The following RRAS variants were observed in gnomAD, a reference collection of about 807,000 sequenced individuals.
RRAS encodes RAS related, also known as ras-related protein R-Ras.
A neutral mutation model predicts 23.3 loss-of-function variants in RRAS; 18 were observed. The observed-to-expected ratio is 0.77, with a 90% CI of 0.53 to 1.15. The LOEUF is 1.15. Among genes scored for constraint, RRAS ranks in the 50% most tolerant of loss-of-function variants. The pLI, the probability that RRAS is intolerant of heterozygous loss-of-function variation, is 0.00. For missense variants in RRAS, 291 were observed against 317.1 expected (o/e 0.92, Z 0.62); for synonymous variants, 133 against 138.3 (o/e 0.96, Z 0.27).
At chr19:49,639,908 G>T in intron 1 of RRAS, 38 bp downstream of exon 1, 1 of 1,541,798 alleles carries the variant, frequency 6.5e-7, no homozygotes, top group South Asian at 1.2e-5. Context: ...CTCAGTTCTG[G>T]GTCCCGGGGG....
chr19:49,637,126 T>A lies in RRAS; in HGVS notation c.158A>T (p.Tyr53Phe), dbSNP rs908791453. ...AGTGGGGTCGTAGTCAGACACGAAGTAGGACTGGCGGGGTGGGGAGAGGAT... is the reference window on the plus strand; with the variant it reads ...AGTGGGGTCGTAGTCAGACACGAAGAAGGACTGGCGGGGTGGGGAGAGGAT... ...SALTIQFIQSYFVSDYDPTIE... is the reference protein window; with the variant it reads ...SALTIQFIQSFFVSDYDPTIE... Residue 53 changes from tyrosine to phenylalanine, a missense_variant, in exon 2 of 6, where the codon TAC (tyrosine) becomes TTC (phenylalanine). Coordinates refer to ENST00000246792, the MANE Select transcript of RRAS (RefSeq NM_006270.5). The A allele has an allele frequency of 1.2e-6, 2 of 1,611,690 alleles. No homozygotes were observed.
rs2080996919 is a variant in RRAS, at chr19:49,636,564, T to C, written c.453+55A>G. The stretch of plus-strand genomic sequence containing the variant: ...GGATGCTGATGGGGGACAGGTGTGC[T>C]GGAAGGAGCCTCCCAGACTGAGATG... On this transcript the variant is annotated intron_variant, in intron 4 of 5. Transcript: ENST00000246792. This position sits in a 1 kb window ranked among gnomAD's most constrained non-coding sequence, Gnocchi z 4.5. 6 of 1,266,836 alleles carry C rather than the reference T, an allele frequency of 4.7e-6. No individual in the cohort carries two copies. The highest frequency in any genetic ancestry group is 3.6e-5 in the South Asian group (3 of 84,056). The allele number at this position is 1,266,836 out of a possible 1,614,324, so 78.5% of individuals were successfully genotyped here. A position where few individuals can be genotyped will look rare whatever the true frequency, so the allele number is the denominator to read the frequency against.
At chr19:49,637,809 T>C (rs1016034510) in intron 1 of RRAS, among the ~76,000 whole-genome samples, 1 of 130,812 alleles carries the variant, frequency 7.6e-6, no homozygotes, top group African/African-American at 2.9e-5. Flanking sequence ...TCTCTCTGAG[T>C]CACTCCTGGT....
intron 1 of RRAS, among the ~76,000 whole-genome samples, chr19:49,639,158 G>A (rs1415962786): frequency 6.6e-6 from 1 of 152,076 alleles, no homozygotes; most frequent in Admixed American, 6.5e-5. Flanking sequence ...GGCCGGGCAC[G>A]GTGGCTCATG....
At chr19:49,637,224 C>G (rs2081001174) in intron 1 of RRAS, 94 bp from the exon 2 acceptor site, 2 of 886,414 alleles carry the variant, frequency 2.3e-6, no homozygotes, top group East Asian at 2.7e-5. Flanking sequence ...CTGTCCCTCT[C>G]TCTCTAAATG....
At position 49,637,301 on chromosome 19, in the gene RRAS, C is replaced by CTTTTTTTTTTTT. The variant is rs11400258; in HGVS notation, c.154-183_154-172dup. 1.9e-5 allele frequency among the ~76,000 whole-genome samples: 2 copies of CTTTTTTTTTTTT among 104,114 alleles called. 1 individual carries two copies. The highest frequency in any genetic ancestry group is 7.4e-5 in the African/African-American group (2 of 27,008). The allele number at this position is 104,114 out of a possible 152,430, so 68.3% of individuals were successfully genotyped here. A position where few individuals can be genotyped will look rare whatever the true frequency, so the allele number is the denominator to read the frequency against. On this transcript the variant is annotated intron_variant, in intron 1 of 5. Coordinates refer to ENST00000246792, the MANE Select transcript of RRAS (RefSeq NM_006270.5). ...CTCTGTCCCGTCTGTCTCTCTGAGT[C>CTTTTTTTTTTTT]TTTTTTTTTTTTTTTTTTTTTTGAG...
intron 1 of RRAS, among the ~76,000 whole-genome samples, chr19:49,638,531 T>C (rs1260537560): frequency 1.3e-5 from 2 of 152,072 alleles, no homozygotes; most frequent in East Asian, 3.9e-4. Flanking sequence ...GTCTGAAGGC[T>C]GCATCTGTCG....
Position 49,635,863 on chromosome 19 carries a change from G to GTT in RRAS, c.454-12_454-11insAA. 9.0e-7 allele frequency: 1 copy of GTT among 1,110,890 alleles called. No homozygotes were observed. Among genetic ancestry groups the GTT allele is most frequent in the Non-Finnish European group, 1.3e-6 (1 of 750,538 alleles). 68.8% of individuals were successfully genotyped at this position (1,110,890 alleles called of 1,614,324 possible). Reference sequence around the variant, plus strand: ...TTCTGATCGGGGGACCTGGGGGTAGGGGGGACACGGGGGAGTCAGGTCCCT... The same window carrying GTT: ...TTCTGATCGGGGGACCTGGGGGTAGGTTGGGGACACGGGGGAGTCAGGTCCCT... On this transcript the variant is annotated splice_polypyrimidine_tract_variant and intron_variant, in intron 4 of 5. Transcript: ENST00000246792.
Position 49,635,539 on chromosome 19 carries a change from C to T in RRAS, c.*37G>A, listed in dbSNP as rs762510605. On this transcript the variant is annotated 3_prime_UTR_variant, in exon 6 of 6. Transcript: ENST00000246792. ...CAGCAAGGTGCGAAGGCAGCTAGTC[C>T]CGAGAGCTTGTGGTGGTTGCTTCTC... 1 of 1,335,314 alleles carries T rather than the reference C, an allele frequency of 7.5e-7. No homozygotes were observed. The highest frequency in any genetic ancestry group is 9.9e-7 in the Non-Finnish European group (1 of 1,008,062). The allele number at this position is 1,335,314 out of a possible 1,614,324, so 82.7% of individuals were successfully genotyped here. A position where few individuals can be genotyped will look rare whatever the true frequency, so the allele number is the denominator to read the frequency against.
At chr19:49,637,376 G>A (rs1465387049) in intron 1 of RRAS, among the ~76,000 whole-genome samples, 1 of 138,806 alleles carries the variant, frequency 7.2e-6, no homozygotes, top group Non-Finnish European at 1.5e-5. Flanking sequence ...GCGAGATCTC[G>A]GCTCACTGCA....
chr19:49,637,051 C>T lies in RRAS; in HGVS notation c.233G>A (p.Arg78Gln), dbSNP rs1162722748. 13 of 1,613,536 alleles carry T rather than the reference C, an allele frequency of 8.1e-6. No homozygotes were observed. The highest frequency in any genetic ancestry group is 1.1e-5 in the South Asian group (1 of 91,052). Residue 78 changes from arginine to glutamine, a missense_variant, in exon 2 of 6, where the codon CGG becomes CAG. Arg to Gln is a conservative substitution (Grantham distance 43). Coordinates refer to ENST00000246792, the MANE Select transcript of RRAS (RefSeq NM_006270.5). ...KICSVDGIPA[R>Q]LDILDTAGQE... is the part of the protein sequence containing the mutation. ...ATCCTTGCCGCCCTCACTGTCCAGC[C>T]GGGCTGGGATGCCATCCACACTGCA... is the stretch of plus-strand genomic sequence containing the variant.
rs745911237 is a variant in RRAS at position 49,636,861 on chromosome 19, C to T, written c.307G>A (p.Gly103Ser). Residue 103 changes from glycine (G) to serine (S), a missense_variant, in exon 3 of 6, where the codon GGC becomes AGC. Physicochemically the swap from Gly to Ser is moderately conservative, Grantham distance 56. Transcript: ENST00000246792. The surrounding 1 kb of genome is among the most constrained non-coding windows in gnomAD (Gnocchi z 4.5). Reference sequence around the variant, plus strand: ...TTAATGGCGAACACCAGCAGGAAGCCGTGGCCAGCACGCATGTACTGCTCT... The same window carrying T: ...TTAATGGCGAACACCAGCAGGAAGCTGTGGCCAGCACGCATGTACTGCTCT... Reference protein sequence around the residue: ...MREQYMRAGHGFLLVFAINDR... With the variant: ...MREQYMRAGHSFLLVFAINDR... The T allele has an allele frequency of 1.1e-5, 17 of 1,613,308 alleles. No homozygotes were observed. The highest frequency in any genetic ancestry group is 1.4e-5 in the Non-Finnish European group (16 of 1,180,026).
At chr19:49,635,703 A>T in intron 5 of RRAS, 31 bp downstream of exon 5, 1 of 1,542,358 alleles carries the variant, frequency 6.5e-7, no homozygotes, top group Non-Finnish European at 8.8e-7. Context: ...AGGGCTGGGG[A>T]CAAGGACGAC....
chr19:49,638,609 T>C (rs1384027096), intron 1 of RRAS, among the ~76,000 whole-genome samples: 2 of 152,006 alleles, frequency 1.3e-5, no homozygotes, highest in Non-Finnish European at 2.9e-5. Flanking sequence ...CTGGGAGGGA[T>C]TGTGGCTCTG....
rs1483065098 is a variant in RRAS at position 49,636,027 on chromosome 19, A to G, written c.454-175T>C. ...ATGCCGCAGGGGCTTGGTGTCTTCT[A>G]AGTAAGGGATGGGGGCAGGCTTCGT... On this transcript the variant is annotated intron_variant, in intron 4 of 5. Coordinates refer to ENST00000246792, the MANE Select transcript of RRAS (RefSeq NM_006270.5). This position sits in a 1 kb window ranked among gnomAD's most constrained non-coding sequence, Gnocchi z 4.5. Among the ~76,000 whole-genome samples the G allele has an allele frequency of 6.6e-6, 1 of 152,160 alleles. No individual in the cohort carries two copies. The highest frequency in any genetic ancestry group is 1.9e-4 in the East Asian group (1 of 5,188).
At position 49,639,794 on chromosome 19, in the gene RRAS, T is replaced by C. The variant is rs554780779; in HGVS notation, c.153+152A>G. 106 of 622,104 alleles carry C rather than the reference T, an allele frequency of 1.7e-4. 1 individual carries two copies. The African/African-American group carries it at 1.8e-3, about 11-fold the overall frequency. 38.5% of individuals were successfully genotyped at this position (622,104 alleles called of 1,614,324 possible). A position where few individuals can be genotyped will look rare whatever the true frequency, so the allele number is the denominator to read the frequency against. ...GCAGGGGATGGAGGCTCTCCAAGAG[T>C]TTAGGTTACAATCTGTGGGGATCTT... On this transcript the variant is annotated intron_variant, in intron 1 of 5. Coordinates refer to ENST00000246792, the MANE Select transcript of RRAS (RefSeq NM_006270.5).
intron 1 of RRAS, among the ~76,000 whole-genome samples, chr19:49,639,424 G>C (rs771827160): frequency 1.5e-5 from 2 of 135,622 alleles, no homozygotes; most frequent in East Asian, 4.3e-4. Context: ...GACAGAGTGA[G>C]TGAGACTCTG....
At position 49,635,867 on chromosome 19, in the gene RRAS, GACA is replaced by G; in HGVS notation, c.454-18_454-16del. 1 of 547,848 alleles carries G rather than the reference GACA, an allele frequency of 1.8e-6. No individual in the cohort carries two copies. Among genetic ancestry groups the G allele is most frequent in the Non-Finnish European group, 3.4e-6 (1 of 293,104 alleles). The allele number at this position is 547,848 out of a possible 1,614,324, so 33.9% of individuals were successfully genotyped here. On this transcript the variant is annotated splice_polypyrimidine_tract_variant and intron_variant, in intron 4 of 5. Coordinates refer to ENST00000246792, the MANE Select transcript of RRAS (RefSeq NM_006270.5). ...GATCGGGGGACCTGGGGGTAGGGGG[GACA>G]CGGGGGAGTCAGGTCCCTGCACTCA...
intron 1 of RRAS, among the ~76,000 whole-genome samples, chr19:49,637,661 C>G (rs1448305248): frequency 2.6e-5 from 4 of 151,966 alleles, no homozygotes; most frequent in African/African-American, 9.6e-5. Context: ...GTCTCTGCCC[C>G]CTTTTCTCTG....
Sources: gnomAD v4.1 joint callset for allele counts (sites outside exome capture counted in the v4.1 genomes callset) on GRCh38, gnomAD v4.1.1 for gene constraint, Gnocchi (gnomAD v3.1) non-coding constraint, MANE v1.5 for transcripts, NCBI Gene and HGNC (gene_info 2026-07-23, HGNC 2026-07-21) for gene names.